Variants in TNFRSF25 observed in about 807,000 individuals in gnomAD.
The protein encoded by TNFRSF25 is tumor necrosis factor receptor superfamily member 25.
In TNFRSF25, 28 loss-of-function variants were observed where a neutral mutation model predicts 49.4. The ratio of observed to expected loss-of-function variants is 0.57; its 90% CI spans 0.42 to 0.78. The LOEUF is 0.78. Among genes scored for constraint, TNFRSF25 ranks in the 30% least tolerant of loss-of-function variants. The pLI, the probability that TNFRSF25 is intolerant of heterozygous loss-of-function variation, is 0.00. For synonymous variants in TNFRSF25, 240 were observed against 234.2 expected, an observed-to-expected ratio of 1.02 and a Z score of -0.23; for missense variants, 531 against 581.6, an observed-to-expected ratio of 0.91 and a Z score of 0.90.
At chr1:6,465,373 C>A (rs1351567384) in intron 2 of TNFRSF25, 67 bp downstream of exon 2, 18 of 1,607,770 alleles carry the variant, frequency 1.1e-5, no homozygotes, top group Non-Finnish European at 1.5e-5. Flanking sequence ...CTCTTACCTC[C>A]CGGGCCTGCC....
intron 5 of TNFRSF25, 179 bp from the exon 6 acceptor site, chr1:6,463,306 T>G (rs1644234956): frequency 4.7e-6 from 3 of 635,702 alleles, no homozygotes; most frequent in South Asian, 2.0e-5. Flanking sequence ...TCACTGAGCT[T>G]CTTCTAGACT....
chr1:6,465,444 T>C lies in TNFRSF25; in HGVS notation c.156A>G (p.Pro52=). The C allele has an allele frequency of 6.2e-7, 1 of 1,613,956 alleles. No homozygotes were observed. Among genetic ancestry groups the C allele is most frequent in the Non-Finnish European group, 8.5e-7 (1 of 1,180,008 alleles). The part of the protein sequence containing the change: ...KIGLFCCRGC[P]AGHYLKAPCT... ...CCCACCCCTGTGGCCACTTACCCGC[T>C]GGGCAGCCTCTGCAACAAAACAGAC... Residue 52 remains proline (P), a synonymous_variant, in exon 2 of 10, where the codon CCA becomes CCG. Coordinates refer to ENST00000356876, the MANE Select transcript of TNFRSF25 (RefSeq NM_003790.3).
intron 1 of TNFRSF25, 199 bp from the exon 2 acceptor site, chr1:6,465,759 G>A (rs1231656222): frequency 1.4e-6 from 2 of 1,426,568 alleles, no homozygotes; most frequent in South Asian, 1.5e-5. Flanking sequence ...CGGAGGGGGC[G>A]CTTACCAGCC....
In TNFRSF25 at chr1:6,461,527, G is replaced by T; in HGVS notation, c.1161C>A (p.Pro387=). Residue 387 remains proline, a synonymous_variant, in exon 10 of 10, where the codon CCC becomes CCA. Transcript: ENST00000356876. This position sits in a 1 kb window ranked among gnomAD's most constrained non-coding sequence, Gnocchi z 6.3. The part of the protein sequence containing the change: ...EMLKRWRQQQ[P]AGLGAVYAAL... ...CCGCGTAAACGGCTCCGAGGCCCGC[G>T]GGCTGCTGCTGGCGCCAGCGCTTGA... 1 of 1,605,900 alleles carries T rather than the reference G, an allele frequency of 6.2e-7. No individual in the cohort carries two copies.
chr1:6,466,101 G>A lies in TNFRSF25; in HGVS notation c.7C>T (p.Gln3Ter). Residue 3 changes from glutamine (Q) to a stop codon, truncating the protein, a stop_gained, in exon 1 of 10, where the codon CAG (glutamine) becomes TAG (stop). Transcript: ENST00000356876. LOFTEE classifies it high-confidence loss of function. ME[Q>*]RPRGCAAVAA... is the part of the protein sequence containing the mutation. Reference sequence around the variant, plus strand: ...ACCGCCGCGCAGCCCCGCGGCCGCTGCTCCATAGCCCTCCGACGGGCGCCC... The same window carrying A: ...ACCGCCGCGCAGCCCCGCGGCCGCTACTCCATAGCCCTCCGACGGGCGCCC... 6.4e-7 allele frequency: 1 copy of A among 1,569,146 alleles called. No individual in the cohort carries two copies.
Position 6,461,055 on chromosome 1 carries a change from A to C in TNFRSF25, c.*379T>G. 2.2e-6 allele frequency: 1 copy of C among 458,052 alleles called. No homozygotes were observed. Among genetic ancestry groups the C allele is most frequent in the South Asian group, 1.7e-5 (1 of 57,516 alleles). 28.4% of individuals were successfully genotyped at this position (458,052 alleles called of 1,614,324 possible). ...CACACTGGACTCCACCATGGGTGCC[A>C]GATCCCGGGGTGACAAGATTCCCGT... On this transcript the variant is annotated 3_prime_UTR_variant, in exon 10 of 10. Coordinates refer to ENST00000356876, the MANE Select transcript of TNFRSF25 (RefSeq NM_003790.3). The surrounding 1 kb of genome is among the most constrained non-coding windows in gnomAD (Gnocchi z 6.3).
At position 6,461,206 on chromosome 1, in the gene TNFRSF25, T is replaced by C. The variant is rs1275516518; in HGVS notation, c.*228A>G. Reference sequence around the variant, plus strand: ...TTTAATACCGCGATCTCAGCCAAACTCCGGCCGAGAAGTTGAGAAATGTCT... The same window carrying C: ...TTTAATACCGCGATCTCAGCCAAACCCCGGCCGAGAAGTTGAGAAATGTCT... On this transcript the variant is annotated 3_prime_UTR_variant, in exon 10 of 10. Transcript: ENST00000356876. The surrounding 1 kb of genome is among the most constrained non-coding windows in gnomAD (Gnocchi z 6.3). The C allele has an allele frequency of 1.4e-6, 1 of 724,926 alleles. No homozygotes were observed. The highest frequency in any genetic ancestry group is 1.7e-5 in the African/African-American group (1 of 57,410). The allele number at this position is 724,926 out of a possible 1,614,324, so 44.9% of individuals were successfully genotyped here.
chr1:6,465,078 A>ATTTTT lies in TNFRSF25; in HGVS notation c.295+9_295+10insAAAAA. On this transcript the variant is annotated intron_variant, in intron 3 of 9. Transcript: ENST00000356876. ...AGGAACTCCCTGCCAAGCACTGAGA[A>ATTTTT]GCCCCTCACCCTGCTCATCACAGGC... 1.9e-6 allele frequency: 3 copies of ATTTTT among 1,607,994 alleles called. No individual in the cohort carries two copies. In the Admixed American group the frequency reaches 5.1e-5, roughly 27 times the overall value.
chr1:6,462,362 C>T lies in TNFRSF25; in HGVS notation c.745-188G>A. The T allele has an allele frequency of 8.8e-7, 1 of 1,140,182 alleles. No homozygotes were observed. The highest frequency in any genetic ancestry group is 1.2e-6 in the Non-Finnish European group (1 of 830,170). The allele number at this position is 1,140,182 out of a possible 1,614,324, so 70.6% of individuals were successfully genotyped here. On this transcript the variant is annotated intron_variant, in intron 8 of 9. Coordinates refer to ENST00000356876, the MANE Select transcript of TNFRSF25 (RefSeq NM_003790.3). The surrounding 1 kb of genome is among the most constrained non-coding windows in gnomAD (Gnocchi z 4.2). ...TTGCTTCTGCCTTGAGTCCCCTGCC[C>T]CCGCCTCCTTCCTCTTGTCCCCCAG... is the stretch of plus-strand genomic sequence containing the variant.
At chr1:6,465,027 C>T in intron 3 of TNFRSF25, 61 bp downstream of exon 3, 1 of 1,565,652 alleles carries the variant, frequency 6.4e-7, no homozygotes, top group Non-Finnish European at 8.7e-7. Context: ...CCGAGCCAGC[C>T]ACTTCCTTCA....
At position 6,460,935 on chromosome 1, in the gene TNFRSF25, G is replaced by A. The variant is rs1290656094; in HGVS notation, c.*499C>T. 5.5e-6 allele frequency: 2 copies of A among 362,432 alleles called. No individual in the cohort carries two copies. The highest frequency in any genetic ancestry group is 1.1e-5 in the Non-Finnish European group (2 of 177,816). The allele number at this position is 362,432 out of a possible 1,614,324, so 22.5% of individuals were successfully genotyped here. The stretch of plus-strand genomic sequence containing the variant: ...ATTAAAGCGCTCTCATCTGGGCTCC[G>A]GTTCACTCACTCGCTGTGGCCGCGA... On this transcript the variant is annotated 3_prime_UTR_variant, in exon 10 of 10. Coordinates refer to ENST00000356876, the MANE Select transcript of TNFRSF25 (RefSeq NM_003790.3).
rs759328465 is a variant in TNFRSF25 at position 6,461,668 on chromosome 1, G to C, written c.1020C>G (p.Asp340Glu). The C allele has an allele frequency of 6.3e-7, 1 of 1,595,356 alleles. No homozygotes were observed. Among genetic ancestry groups the C allele is most frequent in the African/African-American group, 1.3e-5 (1 of 74,718 alleles). The change falls in exon 10 of 10, where the codon GAC becomes GAG. Residue 340 changes from aspartate to glutamate, a missense_variant. Transcript: ENST00000356876. This position sits in a 1 kb window ranked among gnomAD's most constrained non-coding sequence, Gnocchi z 6.3. ...CCTTCCAGCGCCGCGCTGGGACCGC[G>C]TCCATCACGTCGTAGAGCTGCGGGC... ...QPGPQLYDVM[D>E]AVPARRWKEF...
intron 3 of TNFRSF25, 128 bp downstream of exon 3, chr1:6,464,960 C>CAGGG: frequency 7.1e-7 from 1 of 1,413,202 alleles, no homozygotes; most frequent in East Asian, 2.3e-5. Context: ...GAAGGAGGAT[C>CAGGG]AGGGTGGAGG....
chr1:6,464,568 G>A lies in TNFRSF25; in HGVS notation c.447C>T (p.Arg149=). The part of the protein sequence containing the change: ...QPCLDCGALH[R]HTRLLCSRRD... ...GGTACTCACAGAGTAGCCGTGTGTG[G>A]CGGTGCAGGGCCCCGCAGTCTAGGC... Residue 149 remains arginine, a synonymous_variant, in exon 4 of 10, where the codon CGC becomes CGT. Transcript: ENST00000356876. 1 of 1,614,130 alleles carries A rather than the reference G, an allele frequency of 6.2e-7. No individual in the cohort carries two copies. Among genetic ancestry groups the A allele is most frequent in the Non-Finnish European group, 8.5e-7 (1 of 1,180,024 alleles).
chr1:6,462,400 C>T lies in TNFRSF25; in HGVS notation c.745-226G>A. 1 of 1,226,194 alleles carries T rather than the reference C, an allele frequency of 8.2e-7. No individual in the cohort carries two copies. The highest frequency in any genetic ancestry group is 1.1e-6 in the Non-Finnish European group (1 of 907,972). 76.0% of individuals were successfully genotyped at this position (1,226,194 alleles called of 1,614,324 possible). On this transcript the variant is annotated intron_variant, in intron 8 of 9. Coordinates refer to ENST00000356876, the MANE Select transcript of TNFRSF25 (RefSeq NM_003790.3). This position sits in a 1 kb window ranked among gnomAD's most constrained non-coding sequence, Gnocchi z 4.2. ...TCTTGTCCCCCAGCACCATGGGGCT[C>T]TCCTTCCATTGAACTGTTAGCTCCT... is the stretch of plus-strand genomic sequence containing the variant.
chr1:6,462,054 G>C lies in TNFRSF25; in HGVS notation c.865C>G (p.Gln289Glu). Reference protein sequence around the residue: ...NSWTPGYPETQEALCPQVTWS... With the variant: ...NSWTPGYPETEEALCPQVTWS... ...GTCACCTGCGGGCAGAGCGCCTCCT[G>C]GGTCTCGGGGTAGCCAGGGGTCCAG... Residue 289 changes from glutamine (Q) to glutamate (E), a missense_variant, in exon 9 of 10, where the codon CAG becomes GAG. Transcript: ENST00000356876. The surrounding 1 kb of genome is among the most constrained non-coding windows in gnomAD (Gnocchi z 4.2). 6.2e-7 allele frequency: 1 copy of C among 1,613,704 alleles called. No homozygotes were observed.
intron 1 of TNFRSF25, 61 bp from the exon 2 acceptor site, chr1:6,465,621 CG>C: frequency 6.4e-7 from 1 of 1,567,070 alleles, no homozygotes; most frequent in Non-Finnish European, 8.7e-7. Context: ...CTCCCTGCTG[CG>C]TCTCCTCCAT....
At chr1:6,464,496 G>A (rs1287144254) in intron 4 of TNFRSF25, 43 bp from the exon 5 acceptor site, 2 of 1,612,518 alleles carry the variant, frequency 1.2e-6, no homozygotes, top group Admixed American at 3.3e-5. Flanking sequence ...GACAGGAGTG[G>A]GTCAGGCAGG....
In TNFRSF25 at chr1:6,462,567, AT is replaced by A; in HGVS notation, c.744+61del. The A allele has an allele frequency of 2.5e-6, 4 of 1,585,356 alleles. No individual in the cohort carries two copies. In the African/African-American group the frequency reaches 5.4e-5, roughly 21 times the overall value. Reference sequence around the variant, plus strand: ...GGCCGCGTGCCAAGCTCCAGGGATCATAGTAAGGCTTGATCTTCCAGCTCCA... The same window carrying A: ...GGCCGCGTGCCAAGCTCCAGGGATCAAGTAAGGCTTGATCTTCCAGCTCCA... On this transcript the variant is annotated intron_variant, in intron 8 of 9. Coordinates refer to ENST00000356876, the MANE Select transcript of TNFRSF25 (RefSeq NM_003790.3). The surrounding 1 kb of genome is among the most constrained non-coding windows in gnomAD (Gnocchi z 4.2).
Sources: allele counts gnomAD v4.1 joint callset, GRCh38; gene constraint gnomAD v4.1.1; non-coding constraint Gnocchi (gnomAD v3.1); transcripts MANE v1.5; gene names NCBI Gene and HGNC (gene_info 2026-07-23, HGNC 2026-07-21).